The following CNTNAP5 variants were observed in gnomAD, a reference collection of about 807,000 sequenced individuals.
CNTNAP5 encodes contactin-associated protein-like 5.
CNTNAP5 carries 72 observed loss-of-function variants against 150.2 expected under a neutral mutation model. That is an observed-to-expected ratio of 0.48 (90% CI 0.40 to 0.58). The LOEUF (loss-of-function observed/expected upper bound fraction) is 0.58. CNTNAP5 is among the 20% of genes least tolerant of loss of function. CNTNAP5 has a pLI of 0.00. For missense variants in CNTNAP5, 1,636 were observed against 1,626.2 expected (o/e 1.01, Z -0.10); for synonymous variants, 672 against 619.8 (o/e 1.08, Z -1.25).
chr2:124,497,601 A>G (rs1469643638), intron 7 of CNTNAP5, among the ~76,000 whole-genome samples: 1 of 152,192 alleles, frequency 6.6e-6, no homozygotes, highest in Non-Finnish European at 1.5e-5. Flanking sequence ...GTACAAATGA[A>G]GCCATTTGTT....
At chr2:124,157,162 G>A (rs1298227476) in intron 1 of CNTNAP5, among the ~76,000 whole-genome samples, 1 of 132,732 alleles carries the variant, frequency 7.5e-6, no homozygotes, top group Non-Finnish European at 1.7e-5. Flanking sequence ...TCTTGGTATC[G>A]CAGGATTTGC....
chr2:124,424,210 C>CT (rs1176679657), intron 4 of CNTNAP5, among the ~76,000 whole-genome samples: 1 of 152,186 alleles, frequency 6.6e-6, no homozygotes, highest in Non-Finnish European at 1.5e-5. Flanking sequence ...CAGCTGCCCT[C>CT]TTTGTTGCTG....
chr2:124,861,850 A>T (rs1677530954), intron 19 of CNTNAP5, among the ~76,000 whole-genome samples: 1 of 152,092 alleles, frequency 6.6e-6, no homozygotes, highest in Non-Finnish European at 1.5e-5. Context: ...ATCTTGCTCT[A>T]TCGCCCACGC....
rs191364375 is a variant in CNTNAP5, at chr2:124,779,210, A to T, written c.2752+6193A>T. Among the ~76,000 whole-genome samples the T allele has an allele frequency of 2.4e-4, 36 of 152,226 alleles. No individual in the cohort carries two copies. The East Asian group carries it at 7.0e-3, about 29-fold the overall frequency. ...CCAAGGTCATGTCCTTTCCAGGGGG[A>T]TTCACATCCAGTGACTGAGCCAGAG... On this transcript the variant is annotated intron_variant, in intron 17 of 23. Transcript: ENST00000682447.
intron 19 of CNTNAP5, among the ~76,000 whole-genome samples, chr2:124,801,540 A>G (rs1681966917): frequency 6.6e-6 from 1 of 152,210 alleles, no homozygotes; most frequent in Non-Finnish European, 1.5e-5. Flanking sequence ...CTATCACAGG[A>G]GTAGATGAGA....
chr2:124,035,886 T>G (rs548354416), intron 1 of CNTNAP5, among the ~76,000 whole-genome samples: 2 of 150,448 alleles, frequency 1.3e-5, no homozygotes, highest in South Asian at 2.1e-4. Flanking sequence ...GAACAACAGG[T>G]TGCTGCATTT....
At chr2:124,524,570 A>G (rs1301913812) in intron 9 of CNTNAP5, 118 bp downstream of exon 9, 19 of 921,472 alleles carry the variant, frequency 2.1e-5, no homozygotes, top group South Asian at 1.5e-4. Context: ...ACACACAAAC[A>G]CACACACACA....
At chr2:124,235,957 T>G (rs1686735881) in intron 2 of CNTNAP5, among the ~76,000 whole-genome samples, 1 of 129,232 alleles carries the variant, frequency 7.7e-6, no homozygotes, top group Admixed American at 7.5e-5. Flanking sequence ...ATTTATTTAT[T>G]TATTTATTTA....
At chr2:124,410,308 T>G (rs1240120210) in intron 3 of CNTNAP5, among the ~76,000 whole-genome samples, 1 of 150,608 alleles carries the variant, frequency 6.6e-6, no homozygotes, top group Non-Finnish European at 1.5e-5. Context: ...CTGTCAACAT[T>G]AGACAGATCA....
chr2:124,766,615 A>G (rs892497164), intron 16 of CNTNAP5, among the ~76,000 whole-genome samples: 1 of 152,188 alleles, frequency 6.6e-6, no homozygotes, highest in Non-Finnish European at 1.5e-5. Context: ...AAGATCCCTC[A>G]TACCTAACAT....
chr2:124,477,126 G>A (rs564900812), intron 7 of CNTNAP5, among the ~76,000 whole-genome samples: 36 of 152,142 alleles, frequency 2.4e-4, no homozygotes, highest in African/African-American at 7.9e-4. Flanking sequence ...GGAAAACTAT[G>A]TTACTTCATA....
intron 13 of CNTNAP5, among the ~76,000 whole-genome samples, chr2:124,735,853 G>A (rs547760190): frequency 1.3e-5 from 2 of 152,298 alleles, no homozygotes; most frequent in South Asian, 2.1e-4. Context: ...TATGTGATGT[G>A]AACCTCGTTT....
intron 12 of CNTNAP5, among the ~76,000 whole-genome samples, chr2:124,622,343 A>T (rs1161658897): frequency 6.6e-6 from 1 of 152,148 alleles, no homozygotes; most frequent in Non-Finnish European, 1.5e-5. Context: ...GTGCATATGA[A>T]CTATATTTTC....
chr2:124,479,800 G>A (rs1442396833), intron 7 of CNTNAP5, among the ~76,000 whole-genome samples: 1 of 152,116 alleles, frequency 6.6e-6, no homozygotes, highest in Admixed American at 6.5e-5. Flanking sequence ...GACTTCCTAG[G>A]TTGTTCATCC....
chr2:124,779,567 TTTC>T (rs1272268492), intron 17 of CNTNAP5, among the ~76,000 whole-genome samples: 2 of 152,154 alleles, frequency 1.3e-5, no homozygotes, highest in Non-Finnish European at 2.9e-5. Context: ...TCAAATTAAT[TTTC>T]TTAAGTGAAA....
At chr2:124,577,865 GA>G (rs1296924044) in intron 11 of CNTNAP5, among the ~76,000 whole-genome samples, 1 of 152,164 alleles carries the variant, frequency 6.6e-6, no homozygotes, top group Non-Finnish European at 1.5e-5. Context: ...GTTGGGGTCA[GA>G]GGGATATGGA....
intron 3 of CNTNAP5, among the ~76,000 whole-genome samples, chr2:124,366,276 G>A (rs1690368337): frequency 6.6e-6 from 1 of 152,094 alleles, no homozygotes; most frequent in South Asian, 2.1e-4. Context: ...AGGGTACCCA[G>A]CACCTTATGA....
At chr2:124,154,900 A>C (rs1347742585) in intron 1 of CNTNAP5, among the ~76,000 whole-genome samples, 1 of 152,132 alleles carries the variant, frequency 6.6e-6, no homozygotes, top group African/African-American at 2.4e-5. Flanking sequence ...GGGTCCAAGC[A>C]TCAGAATTTT....
intron 1 of CNTNAP5, among the ~76,000 whole-genome samples, chr2:124,212,370 G>T (rs1573839518): frequency 6.6e-6 from 1 of 152,130 alleles, no homozygotes; most frequent in Non-Finnish European, 1.5e-5. Flanking sequence ...GGGAAAAGGG[G>T]TTTATAGAAG....
Sources: gnomAD v4.1 joint callset for allele counts (sites outside exome capture counted in the v4.1 genomes callset) on GRCh38, gnomAD v4.1.1 for gene constraint, MANE v1.5 for transcripts, NCBI Gene and HGNC (gene_info 2026-07-23, HGNC 2026-07-21) for gene names.